DSCAML1: variants seen among roughly 807,000 people sequenced by gnomAD.
The protein encoded by DSCAML1 is DS cell adhesion molecule like 1, also known as cell adhesion molecule DSCAML1.
A neutral mutation model predicts 200.5 loss-of-function variants in DSCAML1; 38 were observed. The observed-to-expected ratio is 0.19, with a 90% CI of 0.15 to 0.25. The LOEUF (loss-of-function observed/expected upper bound fraction) is 0.25. Ranked by LOEUF, DSCAML1 falls within the 10% of genes least tolerant of loss-of-function variation. The probability of loss-of-function intolerance (pLI) is 1.00; values close to 1 mark genes in which losing one functional copy is unlikely to be tolerated. For missense variants in DSCAML1, 2,223 were observed against 2,858.8 expected, an observed-to-expected ratio of 0.78 and a Z score of 5.07; for synonymous variants, 1,215 against 1,165.0, an observed-to-expected ratio of 1.04 and a Z score of -0.87.
chr11:117,500,947 G>A (rs945480352), intron 11 of DSCAML1, among the ~76,000 whole-genome samples: 2 of 152,182 alleles, frequency 1.3e-5, no homozygotes, highest in African/African-American at 4.8e-5. Flanking sequence ...TTTCCCGAGT[G>A]TATTAGGGGC....
Position 117,536,935 on chromosome 11 carries a change from G to T in DSCAML1, c.512-4413C>A, listed in dbSNP as rs147063669. ...AGTAGCTATTACAAATTAGGCCAAT[G>T]ACTTTACGTACATTATCTCATTTAA... On this transcript the variant is annotated intron_variant, in intron 3 of 32. Transcript: ENST00000651296. Among the ~76,000 whole-genome samples, 38 of 152,258 alleles carry T rather than the reference G, an allele frequency of 2.5e-4. No homozygotes were observed. In the East Asian group the frequency reaches 7.3e-3, roughly 29 times the overall value.
chr11:117,613,024 G>A (rs2051728187), intron 3 of DSCAML1, among the ~76,000 whole-genome samples: 1 of 152,144 alleles, frequency 6.6e-6, no homozygotes, highest in South Asian at 2.1e-4. Flanking sequence ...AGGGTCCATG[G>A]ATGGGCTTAT....
rs1011711690 is a variant in DSCAML1, at chr11:117,640,841, T to A, written c.512-108319A>T. Among the ~76,000 whole-genome samples, 3 of 152,148 alleles carry A rather than the reference T, an allele frequency of 2.0e-5. No homozygotes were observed. In the East Asian group the frequency reaches 5.8e-4, roughly 29 times the overall value. On this transcript the variant is annotated intron_variant, in intron 3 of 32. Coordinates refer to ENST00000651296, the MANE Select transcript of DSCAML1 (RefSeq NM_020693.4). ...ACAGCGTGGGGCACAGACTTGCAAC[T>A]CACTGAGATGTGTCATGTCACAGAA...
intron 3 of DSCAML1, among the ~76,000 whole-genome samples, chr11:117,701,358 A>G (rs192028968): frequency 1.3e-5 from 2 of 152,302 alleles, no homozygotes; most frequent in Admixed American, 6.5e-5. Flanking sequence ...GAACGATGAT[A>G]CCACCCTGGG....
intron 3 of DSCAML1, among the ~76,000 whole-genome samples, chr11:117,705,285 A>G (rs2053740507): frequency 6.6e-6 from 1 of 152,248 alleles, no homozygotes; most frequent in Non-Finnish European, 1.5e-5. Context: ...CTGAGGGTCT[A>G]AATTTGTCTT....
chr11:117,438,925 C>T lies in DSCAML1; in HGVS notation c.4203G>A (p.Leu1401=). The change falls in exon 24 of 33, where the codon CTG becomes CTA. Residue 1401 remains leucine, a synonymous_variant. Coordinates refer to ENST00000651296, the MANE Select transcript of DSCAML1 (RefSeq NM_020693.4). ...CCCCATTGTCACCTGGAATCCAGGT[C>T]AGGGTGATGGACGAAGCTGAGGTTT... is the stretch of plus-strand genomic sequence containing the variant. ...VSKTSASSIT[L]TWIPGDNGGS... 1 of 1,609,232 alleles carries T rather than the reference C, an allele frequency of 6.2e-7. No individual in the cohort carries two copies. The highest frequency in any genetic ancestry group is 8.5e-7 in the Non-Finnish European group (1 of 1,178,098).
chr11:117,601,976 A>G (rs570205001), intron 3 of DSCAML1, among the ~76,000 whole-genome samples: 95 of 152,346 alleles, frequency 6.2e-4, no homozygotes, highest in African/African-American at 2.2e-3. Context: ...GGGGGCTGGA[A>G]GAATTACCTT....
intron 3 of DSCAML1, among the ~76,000 whole-genome samples, chr11:117,745,699 G>A (rs2054505515): frequency 6.6e-6 from 1 of 152,166 alleles, no homozygotes; most frequent in Non-Finnish European, 1.5e-5. Context: ...TTATCTGCCT[G>A]CCTCGTTATG....
intron 1 of DSCAML1, among the ~76,000 whole-genome samples, chr11:117,814,639 C>T (rs1056638131): frequency 6.6e-6 from 1 of 152,232 alleles, no homozygotes; most frequent in Non-Finnish European, 1.5e-5. Context: ...GGTGGGTGAA[C>T]TTTCAGATGC....
At chr11:117,558,040 C>T (rs915814005) in intron 3 of DSCAML1, among the ~76,000 whole-genome samples, 1 of 151,974 alleles carries the variant, frequency 6.6e-6, no homozygotes, top group African/African-American at 2.4e-5. Flanking sequence ...ATGGACATTT[C>T]CCACCAGGAC....
intron 1 of DSCAML1, among the ~76,000 whole-genome samples, chr11:117,795,898 C>G (rs981027226): frequency 3.2e-4 from 48 of 152,136 alleles, no homozygotes; most frequent in African/African-American, 1.1e-3. Context: ...GGGCAACAGC[C>G]AGGGCAAAGG....
At chr11:117,644,385 C>T (rs931636427) in intron 3 of DSCAML1, among the ~76,000 whole-genome samples, 5 of 152,240 alleles carry the variant, frequency 3.3e-5, no homozygotes, top group Non-Finnish European at 7.3e-5. Context: ...TCCTGAGAGC[C>T]GAGGTGGGCA....
chr11:117,577,889 A>G (rs2050975324), intron 3 of DSCAML1, among the ~76,000 whole-genome samples: 2 of 151,240 alleles, frequency 1.3e-5, no homozygotes, highest in South Asian at 4.2e-4. Context: ...TTGTTATCCT[A>G]CCTGGTCCAC....
intron 17 of DSCAML1, among the ~76,000 whole-genome samples, 186 bp from the exon 18 acceptor site, chr11:117,461,782 T>G (rs2048488293): frequency 6.6e-6 from 1 of 152,234 alleles, no homozygotes. Context: ...GAACCGAGTT[T>G]CCTTTCCTGG....
At chr11:117,748,462 A>T (rs978039306) in intron 3 of DSCAML1, among the ~76,000 whole-genome samples, 2 of 152,122 alleles carry the variant, frequency 1.3e-5, no homozygotes, top group Non-Finnish European at 2.9e-5. Flanking sequence ...ATGTCTCCCC[A>T]CATCTTCCCA....
At chr11:117,484,932 TGTGTGTGTG>T (rs2049011580) in intron 11 of DSCAML1, among the ~76,000 whole-genome samples, 4 of 129,728 alleles carry the variant, frequency 3.1e-5, no homozygotes, top group African/African-American at 1.1e-4. Flanking sequence ...TGTGTGTGTG[TGTGTGTGTG>T]TAAGTGGGGC....
At chr11:117,718,545 T>C (rs1248280138) in intron 3 of DSCAML1, among the ~76,000 whole-genome samples, 1 of 152,006 alleles carries the variant, frequency 6.6e-6, no homozygotes, top group Admixed American at 6.6e-5. Flanking sequence ...AATTAATCAA[T>C]GGAATTAGGA....
intron 3 of DSCAML1, among the ~76,000 whole-genome samples, chr11:117,688,810 T>A (rs913339104): frequency 1.3e-5 from 2 of 152,238 alleles, no homozygotes; most frequent in Non-Finnish European, 2.9e-5. Flanking sequence ...CTAAATGCTA[T>A]CCCGAGTTAC....
chr11:117,521,805 C>A (rs370677811), intron 5 of DSCAML1, among the ~76,000 whole-genome samples: 2 of 152,138 alleles, frequency 1.3e-5, no homozygotes, highest in Admixed American at 6.5e-5. Context: ...CCCATACTTG[C>A]GGAGATAACA....
Sources: gnomAD v4.1 joint callset for allele counts (sites outside exome capture counted in the v4.1 genomes callset) on GRCh38, gnomAD v4.1.1 for gene constraint, MANE v1.5 for transcripts, NCBI Gene and HGNC (gene_info 2026-07-23, HGNC 2026-07-21) for gene names.